Variants in SDK1 observed in about 807,000 individuals in gnomAD.
The protein encoded by SDK1 is protein sidekick-1.
SDK1 carries 157 observed loss-of-function variants against 245.5 expected under a neutral mutation model. That is an observed-to-expected ratio of 0.64 (90% CI 0.56 to 0.73). The LOEUF (loss-of-function observed/expected upper bound fraction) is 0.73. Ranked by LOEUF, SDK1 falls within the 30% of genes least tolerant of loss-of-function variation. The pLI is 0.00. For synonymous variants in SDK1, 1,647 were observed against 1,278.5 expected, an observed-to-expected ratio of 1.29 and a Z score of -6.15; for missense variants, 3,583 against 3,002.3, an observed-to-expected ratio of 1.19 and a Z score of -4.52.
intron 1 of SDK1, among the ~76,000 whole-genome samples, chr7:3,434,829 G>C (rs1374965338): frequency 6.6e-6 from 1 of 152,154 alleles, no homozygotes; most frequent in Non-Finnish European, 1.5e-5. Flanking sequence ...GCACACCCTA[G>C]TGGAGCCTGC....
chr7:3,761,428 C>A (rs755275730), intron 4 of SDK1, among the ~76,000 whole-genome samples: 1 of 151,592 alleles, frequency 6.6e-6, no homozygotes, highest in Non-Finnish European at 1.5e-5. Context: ...GTGGTGGGCA[C>A]CTGTAGTCCC....
chr7:3,340,782 A>AAAAT (rs397946680), intron 1 of SDK1, among the ~76,000 whole-genome samples: 2 of 149,178 alleles, frequency 1.3e-5, no homozygotes, highest in African/African-American at 2.5e-5. Context: ...AAAAAAAAAA[A>AAAAT]TCATCTATGA....
intron 1 of SDK1, among the ~76,000 whole-genome samples, chr7:3,423,458 T>C (rs1779587640): frequency 6.6e-6 from 1 of 152,312 alleles, no homozygotes; most frequent in Non-Finnish European, 1.5e-5. Flanking sequence ...AGCAGATTTC[T>C]ATGCTTTTAT....
chr7:3,956,909 C>T (rs907325623), intron 7 of SDK1, among the ~76,000 whole-genome samples: 4 of 152,094 alleles, frequency 2.6e-5, no homozygotes, highest in Admixed American at 6.5e-5. Context: ...TCCTGGCACT[C>T]GAGGGAAGCC....
chr7:4,074,050 T>G (rs762291693), intron 20 of SDK1, among the ~76,000 whole-genome samples: 2 of 152,184 alleles, frequency 1.3e-5, no homozygotes, highest in Admixed American at 6.5e-5. Context: ...AGGGTTGTCC[T>G]GTTGCATTTT....
At chr7:3,689,092 CA>C (rs1279997960) in intron 4 of SDK1, among the ~76,000 whole-genome samples, 1 of 152,200 alleles carries the variant, frequency 6.6e-6, no homozygotes, top group Non-Finnish European at 1.5e-5. Context: ...TCCAGTTCTA[CA>C]TGTGGAGTTG....
chr7:3,559,312 C>G (rs534681556), intron 1 of SDK1, among the ~76,000 whole-genome samples: 1 of 152,156 alleles, frequency 6.6e-6, no homozygotes, highest in African/African-American at 2.4e-5. Context: ...CTGCTGTTTC[C>G]TTTGTGAAAT....
chr7:3,723,939 TATATAGAGAGAG>T lies in SDK1; in HGVS notation c.713+81836_713+81847del, dbSNP rs1197843310. Among the ~76,000 whole-genome samples the T allele has an allele frequency of 5.8e-4, 68 of 116,718 alleles. 2 individuals carry two copies. The highest frequency in any genetic ancestry group is 5.0e-3 in the Middle Eastern group (1 of 200). The allele number at this position is 116,718 out of a possible 152,430, so 76.6% of individuals were successfully genotyped here. A position where few individuals can be genotyped will look rare whatever the true frequency, so the allele number is the denominator to read the frequency against. On this transcript the variant is annotated intron_variant, in intron 4 of 44. Transcript: ENST00000404826. The stretch of plus-strand genomic sequence containing the variant: ...ATATATACACGTATATATATATATA[TATATAGAGAGAG>T]AGAGAGAGAGAGAGAGAGAGAGAGA...
intron 13 of SDK1, among the ~76,000 whole-genome samples, chr7:3,981,112 G>A (rs1783368378): frequency 6.6e-6 from 1 of 152,140 alleles, no homozygotes; most frequent in Non-Finnish European, 1.5e-5. Flanking sequence ...AACGGCACCT[G>A]CTCACTTAGT....
chr7:4,079,602 C>G lies in SDK1; in HGVS notation c.3324+18C>G. ...AGGGGCAGGTACGTGTGTCGTTAGA[C>G]TGGGAGCTGGCATTTGCGAAGAGCA... On this transcript the variant is annotated intron_variant, in intron 22 of 44. Transcript: ENST00000404826. The G allele has an allele frequency of 2.5e-6, 4 of 1,613,778 alleles. No individual in the cohort carries two copies. Among genetic ancestry groups the G allele is most frequent in the Non-Finnish European group, 3.4e-6 (4 of 1,179,738 alleles).
At chr7:3,303,280 A>G (rs895702537) in intron 1 of SDK1, among the ~76,000 whole-genome samples, 2 of 152,236 alleles carry the variant, frequency 1.3e-5, no homozygotes, top group African/African-American at 4.8e-5. Flanking sequence ...GTTCAAGTGA[A>G]GAAATCTAAA....
intron 40 of SDK1, among the ~76,000 whole-genome samples, chr7:4,228,371 A>G (rs946578182): frequency 2.0e-5 from 3 of 152,366 alleles, no homozygotes; most frequent in East Asian, 1.9e-4. Context: ...TCCGCCCTCC[A>G]CAGACATGAA....
intron 5 of SDK1, among the ~76,000 whole-genome samples, chr7:3,823,963 T>G (rs566080166): frequency 8.4e-4 from 128 of 151,892 alleles, no homozygotes; most frequent in Admixed American, 2.2e-3. Context: ...TTTTTTTTTT[T>G]TGTTTTTTTT....
At chr7:3,696,571 T>TG (rs1784577024) in intron 4 of SDK1, among the ~76,000 whole-genome samples, 4 of 78,998 alleles carry the variant, frequency 5.1e-5, no homozygotes, top group Non-Finnish European at 1.2e-4. Context: ...TTTCTCTGTG[T>TG]TTGTGTGTGT....
intron 4 of SDK1, among the ~76,000 whole-genome samples, chr7:3,784,054 A>T (rs960703410): frequency 6.6e-6 from 1 of 151,770 alleles, no homozygotes; most frequent in Non-Finnish European, 1.5e-5. Context: ...CATATGATTT[A>T]AATTTATTTT....
rs145360216 is a variant in SDK1 at position 3,600,809 on chromosome 7, A to T, written c.299-18271A>T. Among the ~76,000 whole-genome samples the T allele has an allele frequency of 1.7e-3, 258 of 152,198 alleles. 2 individuals are homozygous for T. Among genetic ancestry groups the T allele is most frequent in the Admixed American group, 2.7e-3 (41 of 15,292 alleles). On this transcript the variant is annotated intron_variant, in intron 1 of 44. Transcript: ENST00000404826. The stretch of plus-strand genomic sequence containing the variant: ...ATGATCCGGCCATCTCGGCCTCCCA[A>T]AGTGCTGGAATTACAGGCATTAGCC...
intron 13 of SDK1, among the ~76,000 whole-genome samples, chr7:3,982,819 G>A (rs1214056273): frequency 2.0e-5 from 3 of 150,850 alleles, no homozygotes; most frequent in Non-Finnish European, 2.9e-5. Context: ...CAGCGTGGGC[G>A]ACAGAGCGAG....
At chr7:3,354,750 A>G (rs1002164856) in intron 1 of SDK1, among the ~76,000 whole-genome samples, 3 of 152,366 alleles carry the variant, frequency 2.0e-5, no homozygotes, top group Middle Eastern at 6.8e-3. Context: ...TGCCCTTATT[A>G]CAAATACATC....
chr7:3,725,610 T>C (rs1455935735), intron 4 of SDK1, among the ~76,000 whole-genome samples: 1 of 152,048 alleles, frequency 6.6e-6, no homozygotes, highest in Non-Finnish European at 1.5e-5. Context: ...AAACCATACA[T>C]AGAGAGACAG....
Sources: gnomAD v4.1 joint callset for allele counts (sites outside exome capture counted in the v4.1 genomes callset) on GRCh38, gnomAD v4.1.1 for gene constraint, MANE v1.5 for transcripts, NCBI Gene and HGNC (gene_info 2026-07-23, HGNC 2026-07-21) for gene names.